Variants in NAT10 observed in about 807,000 individuals in gnomAD.
NAT10 encodes N-acetyltransferase 10.
In NAT10, 109 loss-of-function variants were observed where a neutral mutation model predicts 132.2. That is an observed-to-expected ratio of 0.82 (90% CI 0.71 to 0.97). The LOEUF is 0.97. NAT10 is among the 50% of genes least tolerant of loss of function. The probability of loss-of-function intolerance (pLI) is 0.00; values close to 1 mark genes in which losing one functional copy is unlikely to be tolerated. For synonymous variants in NAT10, 479 were observed against 478.0 expected (o/e 1.00, Z -0.03); for missense variants, 1,184 against 1,263.4 (o/e 0.94, Z 0.95).
intron 24 of NAT10, among the ~76,000 whole-genome samples, 173 bp downstream of exon 24, chr11:34,140,745 G>A (rs755817083): frequency 1.3e-5 from 2 of 152,068 alleles, no homozygotes; most frequent in South Asian, 2.1e-4. Context: ...CTCTGAAGTC[G>A]AGTAATGTGT....
At chr11:34,130,366 C>T (rs1489577551) in intron 12 of NAT10, among the ~76,000 whole-genome samples, 2 of 152,192 alleles carry the variant, frequency 1.3e-5, no homozygotes, top group African/African-American at 4.8e-5. Flanking sequence ...TTTCCTTATG[C>T]ACCGTACTTC....
intron 12 of NAT10, 114 bp downstream of exon 12, chr11:34,127,713 G>T (rs1270045044): frequency 7.5e-7 from 1 of 1,330,208 alleles, no homozygotes; most frequent in Non-Finnish European, 1.0e-6. Context: ...CAGAGTCTCT[G>T]AGTGTTTGAG....
intron 18 of NAT10, 56 bp downstream of exon 18, chr11:34,134,642 GGGTACTTGGTGGCT>G: frequency 6.4e-7 from 1 of 1,565,878 alleles, no homozygotes; most frequent in South Asian, 1.1e-5. Context: ...TTTAGGGTGG[GGGTACTTGGTGGCT>G]GGAATAAGAA....
chr11:34,142,234 C>G, intron 26 of NAT10, 41 bp from the exon 27 acceptor site: 1 of 1,593,468 alleles, frequency 6.3e-7, no homozygotes, highest in Non-Finnish European at 8.6e-7. Flanking sequence ...TGGTTCAATC[C>G]TTGACTCTGA....
intron 10 of NAT10, 93 bp from the exon 11 acceptor site, chr11:34,124,209 C>A: frequency 2.4e-6 from 2 of 821,264 alleles, no homozygotes; most frequent in South Asian, 1.7e-5. Context: ...GGTTTAAATC[C>A]AAGTGAAGTC....
chr11:34,141,200 G>A lies in NAT10; in HGVS notation c.2704G>A (p.Val902Ile), dbSNP rs146445845. ...MGLFNRIIRK[V>I]VKLFNEVQEK... The stretch of plus-strand genomic sequence containing the variant: ...ACTTTTCAACCGGATCATCCGCAAA[G>A]TTGTGAAGGTAACCTCAGCCTGAGG... The change falls in exon 25 of 29, where the codon GTT becomes ATT. Residue 902 changes from valine (V) to isoleucine (I), a missense_variant. Coordinates refer to ENST00000257829, the MANE Select transcript of NAT10 (RefSeq NM_024662.3). The A allele has an allele frequency of 1.4e-4, 218 of 1,613,888 alleles. No homozygotes were observed. The highest frequency in any genetic ancestry group is 1.6e-4 in the Non-Finnish European group (190 of 1,180,022).
At position 34,134,517 on chromosome 11, in the gene NAT10, A is replaced by C; in HGVS notation, c.1842A>C (p.Gln614His). 1 of 1,614,222 alleles carries C rather than the reference A, an allele frequency of 6.2e-7. No homozygotes were observed. The highest frequency in any genetic ancestry group is 8.5e-7 in the Non-Finnish European group (1 of 1,180,038). ...LIPWTVSEQFQDPDFGGLSGG... is the reference protein window; with the variant it reads ...LIPWTVSEQFHDPDFGGLSGG... ...GGTTTGTGTCTCCCACACAGTTCCA[A>C]GATCCAGACTTTGGTGGTCTGTCTG... The change falls in exon 18 of 29, where the codon CAA (glutamine) becomes CAC (histidine). Residue 614 changes from glutamine to histidine, a missense_variant. Gln to His is a conservative substitution (Grantham distance 24). Transcript: ENST00000257829.
chr11:34,123,237 A>C (rs990121691), intron 9 of NAT10, among the ~76,000 whole-genome samples: 1 of 152,238 alleles, frequency 6.6e-6, no homozygotes, highest in African/African-American at 2.4e-5. Flanking sequence ...TCCCCCAGCA[A>C]GTCAGTGCTG....
At chr11:34,142,487 A>G (rs767514050) in intron 27 of NAT10, 139 bp downstream of exon 27, 7 of 717,768 alleles carry the variant, frequency 9.8e-6, no homozygotes, top group Admixed American at 2.8e-5. Context: ...TAACAGTTCT[A>G]TTTGACCTTC....
At chr11:34,132,600 A>G (rs1341801340) in intron 15 of NAT10, among the ~76,000 whole-genome samples, 1 of 152,218 alleles carries the variant, frequency 6.6e-6, no homozygotes, top group Non-Finnish European at 1.5e-5. Flanking sequence ...TTAAAAACAA[A>G]AGGGTTGGTT....
chr11:34,142,113 T>G, intron 26 of NAT10, 162 bp from the exon 27 acceptor site: 8 of 680,664 alleles, frequency 1.2e-5, no homozygotes, highest in Non-Finnish European at 7.5e-6. Flanking sequence ...ATAACAGAGC[T>G]ACCTTAAAAT....
chr11:34,135,470 AG>A (rs986640317), intron 19 of NAT10, among the ~76,000 whole-genome samples, 179 bp downstream of exon 19: 1 of 152,220 alleles, frequency 6.6e-6, no homozygotes, highest in Non-Finnish European at 1.5e-5. Flanking sequence ...ATCATCTGGC[AG>A]CTTGTTAAAA....
intron 9 of NAT10, among the ~76,000 whole-genome samples, chr11:34,123,291 G>A (rs181428566): frequency 2.0e-5 from 3 of 152,188 alleles, no homozygotes; most frequent in Admixed American, 6.5e-5. Flanking sequence ...CTTGTCCTTC[G>A]TTCTTCCTGC....
At chr11:34,133,716 G>A (rs1281841764) in intron 16 of NAT10, among the ~76,000 whole-genome samples, 1 of 152,154 alleles carries the variant, frequency 6.6e-6, no homozygotes, top group East Asian at 1.9e-4. Flanking sequence ...AGAGCCTCAT[G>A]AGCATCCTGT....
intron 3 of NAT10, among the ~76,000 whole-genome samples, chr11:34,109,223 T>C (rs533917109): frequency 1.4e-4 from 21 of 152,272 alleles, no homozygotes; most frequent in African/African-American, 4.8e-4. Context: ...CCCCTTTATG[T>C]ACCCTGTGTC....
In NAT10 at chr11:34,107,124, A is replaced by G. The variant is rs1224000596; in HGVS notation, c.-15-1087A>G. 4.8e-5 allele frequency: 7 copies of G among 146,374 alleles called. No homozygotes were observed. In the East Asian group the frequency reaches 1.0e-3, roughly 21 times the overall value. The allele number at this position is 146,374 out of a possible 1,614,324, so 9.1% of individuals were successfully genotyped here. A position where few individuals can be genotyped will look rare whatever the true frequency, so the allele number is the denominator to read the frequency against. On this transcript the variant is annotated intron_variant, in intron 1 of 28. Transcript: ENST00000257829. ...TCTCGGCTCACTGCAACTTCCGCCT[A>G]CCGGATTCAAGTGATTCTCTTGCCT...
Position 34,111,933 on chromosome 11 carries a change from C to G in NAT10, c.201-119C>G, listed in dbSNP as rs1437584388. 1.6e-5 allele frequency: 20 copies of G among 1,234,012 alleles called. No homozygotes were observed. The Admixed American group carries it at 1.8e-4, about 11-fold the overall frequency. 76.4% of individuals were successfully genotyped at this position (1,234,012 alleles called of 1,614,324 possible). A position where few individuals can be genotyped will look rare whatever the true frequency, so the allele number is the denominator to read the frequency against. ...CCACCTGAAGTGGGCCTCACACTTT[C>G]AAGTTCCCTACTAGCTCTGAAAGTC... On this transcript the variant is annotated intron_variant, in intron 3 of 28. Coordinates refer to ENST00000257829, the MANE Select transcript of NAT10 (RefSeq NM_024662.3).
At chr11:34,145,100 G>A (rs1346488436) in intron 28 of NAT10, among the ~76,000 whole-genome samples, 1 of 152,206 alleles carries the variant, frequency 6.6e-6, no homozygotes, top group African/African-American at 2.4e-5. Context: ...GATGGCTTTG[G>A]CCTTGAGCAC....
rs149812318 is a variant in NAT10, at chr11:34,113,797, C to T, written c.454C>T (p.Arg152Trp). ...TGGTGGGCTAGTGGTCATCCTCCTA[C>T]GGACCATGAACTCACTCAAGCAATT... ...EGGGLVVILL[R>W]TMNSLKQLYT... is the part of the protein sequence containing the mutation. The change falls in exon 5 of 29, where the codon CGG becomes TGG. Residue 152 changes from arginine to tryptophan, a missense_variant. Arg to Trp is a moderately radical substitution (Grantham distance 101, BLOSUM62 -3). Coordinates refer to ENST00000257829, the MANE Select transcript of NAT10 (RefSeq NM_024662.3). The T allele has an allele frequency of 4.5e-5, 73 of 1,614,008 alleles. No individual in the cohort carries two copies. In the East Asian group the frequency reaches 9.4e-4, roughly 21 times the overall value.
Sources: gnomAD v4.1 joint callset for allele counts (sites outside exome capture counted in the v4.1 genomes callset) on GRCh38, gnomAD v4.1.1 for gene constraint, MANE v1.5 for transcripts, NCBI Gene and HGNC (gene_info 2026-07-23, HGNC 2026-07-21) for gene names.